ZFAND3: variants seen among roughly 807,000 people sequenced by gnomAD.
ZFAND3 encodes AN1-type zinc finger protein 3.
ZFAND3 carries 10 observed loss-of-function variants against 29.6 expected under a neutral mutation model. That is an observed-to-expected ratio of 0.34 (90% CI 0.21 to 0.57). The LOEUF is 0.57. ZFAND3 is among the 20% of genes least tolerant of loss of function. ZFAND3 has a pLI of 0.86. For missense variants in ZFAND3, 230 were observed against 304.5 expected, an observed-to-expected ratio of 0.76 and a Z score of 1.82; for synonymous variants, 128 against 112.6, an observed-to-expected ratio of 1.14 and a Z score of -0.87.
chr6:37,975,346 A>G (rs1339195523), intron 2 of ZFAND3, among the ~76,000 whole-genome samples: 3 of 152,226 alleles, frequency 2.0e-5, no homozygotes, highest in South Asian at 4.1e-4. Context: ...TACTGATACT[A>G]TTAATATCCT....
chr6:38,095,441 T>TC (rs1385566411), intron 4 of ZFAND3, among the ~76,000 whole-genome samples: 1 of 152,222 alleles, frequency 6.6e-6, no homozygotes, highest in Non-Finnish European at 1.5e-5. Context: ...TCTTTTTTTT[T>TC]CTACAGTATT....
intron 2 of ZFAND3, among the ~76,000 whole-genome samples, chr6:38,011,798 A>G (rs1763158179): frequency 1.3e-5 from 2 of 152,182 alleles, no homozygotes; most frequent in African/African-American, 2.4e-5. Flanking sequence ...ATAAATTATT[A>G]TATCATTTAT....
At chr6:37,857,268 ACACAATTGTTTATTTGT>A (rs1764401599) in intron 1 of ZFAND3, among the ~76,000 whole-genome samples, 1 of 152,242 alleles carries the variant, frequency 6.6e-6, no homozygotes, top group African/African-American at 2.4e-5. Flanking sequence ...ATGTTTATCA[ACACAATTGTTTATTTGT>A]TAAGAATGAA....
At chr6:37,980,709 AC>A (rs971044601) in intron 2 of ZFAND3, among the ~76,000 whole-genome samples, 1 of 152,164 alleles carries the variant, frequency 6.6e-6, no homozygotes, top group African/African-American at 2.4e-5. Flanking sequence ...ATACAGTGAT[AC>A]AAAAATGAAT....
intron 2 of ZFAND3, among the ~76,000 whole-genome samples, chr6:38,038,476 T>C (rs946423346): frequency 2.6e-5 from 4 of 152,148 alleles, no homozygotes; most frequent in African/African-American, 9.7e-5. Flanking sequence ...ACCATTTTAA[T>C]TGGGTTTGGA....
At chr6:38,137,877 C>T (rs1284899992) in intron 5 of ZFAND3, among the ~76,000 whole-genome samples, 2 of 152,108 alleles carry the variant, frequency 1.3e-5, no homozygotes, top group Non-Finnish European at 2.9e-5. Flanking sequence ...GAGCACAGTG[C>T]GTTGCGGGAG....
chr6:37,851,139 A>G (rs1764272735), intron 1 of ZFAND3, among the ~76,000 whole-genome samples: 1 of 145,442 alleles, frequency 6.9e-6, no homozygotes, highest in Non-Finnish European at 1.5e-5. Context: ...TGCCTGACTA[A>G]TTTTATCGTT....
At chr6:38,040,822 T>C (rs114708303) in intron 2 of ZFAND3, among the ~76,000 whole-genome samples, 91 of 152,352 alleles carry the variant, frequency 6.0e-4, no homozygotes, top group African/African-American at 2.2e-3. Flanking sequence ...ATTCTCTTAA[T>C]TTAACCACAG....
chr6:37,847,506 A>T lies in ZFAND3; in HGVS notation c.71+27490A>T, dbSNP rs192290134. Among the ~76,000 whole-genome samples, 471 of 152,264 alleles carry T rather than the reference A, an allele frequency of 3.1e-3. 3 individuals are homozygous for T. Among genetic ancestry groups the T allele is most frequent in the African/African-American group, 0.011 (448 of 41,552 alleles). ...TGAGAATCGCTTGAACCCAGGAGGTAGAGGTTGCAGTGAGCCGAGATCGCG... is the reference window on the plus strand; with the variant it reads ...TGAGAATCGCTTGAACCCAGGAGGTTGAGGTTGCAGTGAGCCGAGATCGCG... On this transcript the variant is annotated intron_variant, in intron 1 of 5. Coordinates refer to ENST00000287218, the MANE Select transcript of ZFAND3 (RefSeq NM_021943.3).
chr6:38,010,553 A>G (rs1300727637), intron 2 of ZFAND3, among the ~76,000 whole-genome samples: 1 of 149,678 alleles, frequency 6.7e-6, no homozygotes, highest in East Asian at 1.9e-4. Context: ...TATGACAAAC[A>G]TGGACCTGTT....
At chr6:38,126,648 A>G (rs929851275) in intron 5 of ZFAND3, among the ~76,000 whole-genome samples, 7 of 151,870 alleles carry the variant, frequency 4.6e-5, no homozygotes, top group Admixed American at 1.3e-4. Context: ...CTAATGACCA[A>G]TGATGTTGAA....
chr6:37,998,398 AT>A (rs1292566573), intron 2 of ZFAND3, among the ~76,000 whole-genome samples: 1 of 152,208 alleles, frequency 6.6e-6, no homozygotes. Context: ...TTGTCAAAAC[AT>A]ACAGAACTTT....
intron 2 of ZFAND3, among the ~76,000 whole-genome samples, chr6:37,945,014 C>T (rs1010177705): frequency 3.3e-5 from 5 of 152,128 alleles, no homozygotes; most frequent in Admixed American, 1.3e-4. Context: ...AACTTTAGTG[C>T]CACCCATTTT....
chr6:38,109,475 C>T (rs934367224), intron 4 of ZFAND3, among the ~76,000 whole-genome samples: 4 of 152,046 alleles, frequency 2.6e-5, no homozygotes, highest in Non-Finnish European at 4.4e-5. Context: ...AGTCACTGCG[C>T]CCAGCCTGCC....
At chr6:37,909,736 AT>A (rs1005746059) in intron 1 of ZFAND3, among the ~76,000 whole-genome samples, 12 of 151,176 alleles carry the variant, frequency 7.9e-5, no homozygotes, top group Non-Finnish European at 1.5e-4. Flanking sequence ...CATGGGTAGA[AT>A]CTCAAAATGT....
chr6:37,940,880 T>C (rs1761799535), intron 2 of ZFAND3, among the ~76,000 whole-genome samples: 1 of 152,180 alleles, frequency 6.6e-6, no homozygotes, highest in Non-Finnish European at 1.5e-5. Flanking sequence ...AAGACAGATA[T>C]TTTAGTAGTG....
chr6:38,126,136 C>G (rs897092605), intron 5 of ZFAND3, among the ~76,000 whole-genome samples: 6 of 152,208 alleles, frequency 3.9e-5, no homozygotes, highest in Non-Finnish European at 8.8e-5. Context: ...AGTCTGCTTT[C>G]TGTTGCTATA....
chr6:38,003,996 T>G (rs956441418), intron 2 of ZFAND3, among the ~76,000 whole-genome samples: 1 of 152,180 alleles, frequency 6.6e-6, no homozygotes, highest in Non-Finnish European at 1.5e-5. Flanking sequence ...TTTCTCAGCT[T>G]TTCTCATTAA....
chr6:37,885,704 T>C (rs1208453119), intron 1 of ZFAND3, among the ~76,000 whole-genome samples: 1 of 152,134 alleles, frequency 6.6e-6, no homozygotes, highest in African/African-American at 2.4e-5. Context: ...TTCAACCTTA[T>C]TTGAGTAATG....
Sources: allele counts gnomAD v4.1 joint callset (sites outside exome capture counted in the v4.1 genomes callset), GRCh38; gene constraint gnomAD v4.1.1; transcripts MANE v1.5; gene names NCBI Gene and HGNC (gene_info 2026-07-23, HGNC 2026-07-21).